The following GNAZ variants were observed in gnomAD, a reference collection of about 807,000 sequenced individuals.
GNAZ encodes the protein G protein subunit alpha z.
In GNAZ, 3 loss-of-function variants were observed where a neutral mutation model predicts 25.4. The observed-to-expected ratio is 0.12, with a 90% CI of 0.05 to 0.30. The LOEUF is 0.30. Among genes scored for constraint, GNAZ ranks in the 10% least tolerant of loss-of-function variants. The pLI, the probability that GNAZ is intolerant of heterozygous loss-of-function variation, is 1.00. For synonymous variants in GNAZ, 211 were observed against 205.7 expected (o/e 1.03, Z -0.22); for missense variants, 241 against 501.8 (o/e 0.48, Z 4.97).
At chr22:23,084,137 A>G (rs2068752993) in intron 1 of GNAZ, among the ~76,000 whole-genome samples, 1 of 152,132 alleles carries the variant, frequency 6.6e-6, no homozygotes, top group Non-Finnish European at 1.5e-5. Flanking sequence ...CATTAAGGCA[A>G]GTGGGGTTTT....
At chr22:23,094,055 A>C (rs1459324998) in intron 1 of GNAZ, among the ~76,000 whole-genome samples, 1 of 152,212 alleles carries the variant, frequency 6.6e-6, no homozygotes, top group Non-Finnish European at 1.5e-5. Flanking sequence ...GGTCACACCC[A>C]GGAGTTGAGG....
intron 2 of GNAZ, among the ~76,000 whole-genome samples, chr22:23,103,546 G>C (rs2069366865): frequency 1.3e-5 from 2 of 152,120 alleles, no homozygotes; most frequent in South Asian, 4.1e-4. Flanking sequence ...TGGAGAAAGG[G>C]AATTTGCCAG....
At chr22:23,120,581 A>G (rs893846496) in intron 2 of GNAZ, among the ~76,000 whole-genome samples, 3 of 152,086 alleles carry the variant, frequency 2.0e-5, no homozygotes, top group Non-Finnish European at 4.4e-5. Context: ...GGGTATTAAA[A>G]CCATCTCAAC....
At chr22:23,088,222 C>T (rs2068868142) in intron 1 of GNAZ, among the ~76,000 whole-genome samples, 2 of 152,094 alleles carry the variant, frequency 1.3e-5, no homozygotes, top group African/African-American at 2.4e-5. Flanking sequence ...TTATATGAAC[C>T]ATCTACACGC....
chr22:23,083,430 G>A lies in GNAZ; in HGVS notation c.-449-11817G>A, dbSNP rs139930501. 3.5e-4 allele frequency among the ~76,000 whole-genome samples: 53 copies of A among 152,274 alleles called. 1 individual carries two copies. In the East Asian group the frequency reaches 9.1e-3, roughly 26 times the overall value. The stretch of plus-strand genomic sequence containing the variant: ...AGGCTGCTGGGAAAGGTCATTTTAG[G>A]TAATGCTCTCAAAAGGGAGTGCTGG... On this transcript the variant is annotated intron_variant, in intron 1 of 2. Coordinates refer to ENST00000615612, the MANE Select transcript of GNAZ (RefSeq NM_002073.4).
intron 2 of GNAZ, among the ~76,000 whole-genome samples, chr22:23,118,730 A>G (rs528631789): frequency 1.1e-4 from 16 of 152,320 alleles, no homozygotes; most frequent in Admixed American, 4.6e-4. Context: ...CTGCAGGACA[A>G]GGGGGTGATG....
intron 2 of GNAZ, among the ~76,000 whole-genome samples, chr22:23,113,571 C>T (rs1488606055): frequency 2.0e-5 from 3 of 152,238 alleles, no homozygotes; most frequent in Non-Finnish European, 2.9e-5. Flanking sequence ...ATTTCCTTTG[C>T]GACTGATACC....
intron 2 of GNAZ, among the ~76,000 whole-genome samples, chr22:23,117,636 G>T (rs1395838179): frequency 6.6e-6 from 1 of 152,228 alleles, no homozygotes. Flanking sequence ...GGTGCCAGTG[G>T]TAGCCACAGG....
intron 2 of GNAZ, among the ~76,000 whole-genome samples, chr22:23,099,146 C>T (rs1303240113): frequency 6.6e-6 from 1 of 152,228 alleles, no homozygotes; most frequent in Non-Finnish European, 1.5e-5. Flanking sequence ...GGAGCCACAG[C>T]CCCCCGGCCC....
chr22:23,106,911 G>A (rs1239815771), intron 2 of GNAZ, among the ~76,000 whole-genome samples: 1 of 152,190 alleles, frequency 6.6e-6, no homozygotes, highest in African/African-American at 2.4e-5. Context: ...CCATTACTAC[G>A]GGTCACCCCA....
chr22:23,121,215 G>C (rs1371048032), intron 2 of GNAZ, among the ~76,000 whole-genome samples: 1 of 152,162 alleles, frequency 6.6e-6, no homozygotes, highest in African/African-American at 2.4e-5. Flanking sequence ...TCACTCCTCA[G>C]GACTCCTGTT....
chr22:23,098,220 C>G (rs1205375565), intron 2 of GNAZ, among the ~76,000 whole-genome samples: 3 of 152,260 alleles, frequency 2.0e-5, no homozygotes, highest in Non-Finnish European at 4.4e-5. Context: ...CAGTACTGCT[C>G]TGTCCAGCCT....
Position 23,099,502 on chromosome 22 carries a change from C to T in GNAZ, c.723+3084C>T, listed in dbSNP as rs181908039. ...CAGCAACACAAGGGGGTTTTTCTGG[C>T]GCACCTGTCCCCTGAATGATCCTGT... On this transcript the variant is annotated intron_variant, in intron 2 of 2. Coordinates refer to ENST00000615612, the MANE Select transcript of GNAZ (RefSeq NM_002073.4). Among the ~76,000 whole-genome samples, 230 of 152,360 alleles carry T rather than the reference C, an allele frequency of 1.5e-3. 1 individual carries two copies. The highest frequency in any genetic ancestry group is 3.8e-3 in the African/African-American group (160 of 41,584).
rs758126196 is a variant in GNAZ, at chr22:23,123,233, G to C, written c.870G>C (p.Glu290Asp). 1 of 1,614,142 alleles carries C rather than the reference G, an allele frequency of 6.2e-7. No homozygotes were observed. The highest frequency in any genetic ancestry group is 8.5e-7 in the Non-Finnish European group (1 of 1,180,030). The change falls in exon 3 of 3, where the codon GAG becomes GAC. Residue 290 changes from glutamate (E) to aspartate (D), a missense_variant. Glu to Asp is a conservative substitution (Grantham distance 45, BLOSUM62 2). Coordinates refer to ENST00000615612, the MANE Select transcript of GNAZ (RefSeq NM_002073.4). ...TCCCGCTCACCATCTGCTTTCCCGAGTACAAGGGCCAGAACACGTACGAGG... is the reference window on the plus strand; with the variant it reads ...TCCCGCTCACCATCTGCTTTCCCGACTACAAGGGCCAGAACACGTACGAGG... ...RRIPLTICFP[E>D]YKGQNTYEEA...
rs1401612414 is a variant in GNAZ at position 23,095,430 on chromosome 22, C to T, written c.-266C>T. On this transcript the variant is annotated 5_prime_UTR_variant, in exon 2 of 3. The change creates a new upstream start codon in the 5' untranslated region. Transcript: ENST00000615612. The stretch of plus-strand genomic sequence containing the variant: ...CGTCGCCGAGGACAGGGAATGACTA[C>T]GGCAAATCAGGCCACTTTGCCAACT... 11 of 494,970 alleles carry T rather than the reference C, an allele frequency of 2.2e-5. No homozygotes were observed. The highest frequency in any genetic ancestry group is 6.8e-5 in the East Asian group (2 of 29,294). The allele number at this position is 494,970 out of a possible 1,614,324, so 30.7% of individuals were successfully genotyped here.
Position 23,089,220 on chromosome 22 carries a change from G to A in GNAZ, c.-449-6027G>A, listed in dbSNP as rs746030343. Among the ~76,000 whole-genome samples, 14 of 152,306 alleles carry A rather than the reference G, an allele frequency of 9.2e-5. 1 individual carries two copies. The highest frequency in any genetic ancestry group is 2.6e-4 in the Admixed American group (4 of 15,302). Reference sequence around the variant, plus strand: ...AAGTCTTCCCGCCCCTGGCTTAGCCGGCTTGGGCAGTGAGACCTTCGGTGA... The same window carrying A: ...AAGTCTTCCCGCCCCTGGCTTAGCCAGCTTGGGCAGTGAGACCTTCGGTGA... On this transcript the variant is annotated intron_variant, in intron 1 of 2. Coordinates refer to ENST00000615612, the MANE Select transcript of GNAZ (RefSeq NM_002073.4).
At chr22:23,122,922 G>A (rs1426439063) in intron 2 of GNAZ, among the ~76,000 whole-genome samples, 165 bp from the exon 3 acceptor site, 5 of 152,196 alleles carry the variant, frequency 3.3e-5, no homozygotes, top group South Asian at 2.1e-4. Flanking sequence ...GTGGGAGGTG[G>A]GTGAAGACAT....
chr22:23,099,939 G>C (rs1462992025), intron 2 of GNAZ, among the ~76,000 whole-genome samples: 1 of 152,262 alleles, frequency 6.6e-6, no homozygotes, highest in African/African-American at 2.4e-5. Context: ...AATGGACTCT[G>C]CTGGCCACCA....
chr22:23,119,205 GAC>G (rs1484660557), intron 2 of GNAZ, among the ~76,000 whole-genome samples: 2 of 152,242 alleles, frequency 1.3e-5, no homozygotes, highest in African/African-American at 2.4e-5. Context: ...GCACCGCTGT[GAC>G]ACAGGCTCCC....
Sources: allele counts gnomAD v4.1 joint callset (sites outside exome capture counted in the v4.1 genomes callset), GRCh38; gene constraint gnomAD v4.1.1; transcripts MANE v1.5; gene names NCBI Gene and HGNC (gene_info 2026-07-23, HGNC 2026-07-21).